The following GABRG3 variants were observed in gnomAD, a reference collection of about 807,000 sequenced individuals.
GABRG3 encodes the protein gamma-aminobutyric acid receptor subunit gamma-3.
In GABRG3, 25 loss-of-function variants were observed where a neutral mutation model predicts 48.8. The observed-to-expected ratio is 0.51, with a 90% CI of 0.37 to 0.72. The LOEUF is 0.72. Ranked by LOEUF, GABRG3 falls within the 30% of genes least tolerant of loss-of-function variation. GABRG3 has a pLI of 0.00. For synonymous variants in GABRG3, 227 were observed against 217.6 expected (o/e 1.04, Z -0.38); for missense variants, 394 against 577.9 (o/e 0.68, Z 3.26).
At chr15:27,262,395 C>G (rs1293867371) in intron 3 of GABRG3, among the ~76,000 whole-genome samples, 3 of 145,448 alleles carry the variant, frequency 2.1e-5, no homozygotes, top group Non-Finnish European at 3.1e-5. Flanking sequence ...AGCTCATCAC[C>G]ACTGAGGGCC....
chr15:27,158,834 G>A lies in GABRG3; in HGVS notation c.270+132013G>A, dbSNP rs76398713. ...ACACATCTTACAGCTGAAATTTTTC[G>A]TATGGCAAATTACCACCTGAATATT... is the stretch of plus-strand genomic sequence containing the variant. On this transcript the variant is annotated intron_variant, in intron 3 of 9. Transcript: ENST00000615808. 2.7e-3 allele frequency among the ~76,000 whole-genome samples: 412 copies of A among 152,186 alleles called. 3 individuals are homozygous for A. Among genetic ancestry groups the A allele is most frequent in the African/African-American group, 9.6e-3 (398 of 41,516 alleles).
chr15:27,084,662 G>T (rs549556583), intron 3 of GABRG3, among the ~76,000 whole-genome samples: 2 of 152,184 alleles, frequency 1.3e-5, no homozygotes, highest in African/African-American at 4.8e-5. Flanking sequence ...GTCTGTTTTC[G>T]TCATGGGGAC....
At chr15:27,418,784 C>T (rs562350605) in intron 5 of GABRG3, 1 of 152,322 alleles carries the variant, frequency 6.6e-6, no homozygotes, top group East Asian at 1.9e-4. Flanking sequence ...GCAATTGTGG[C>T]ACAAATGGAA....
intron 3 of GABRG3, among the ~76,000 whole-genome samples, chr15:27,191,396 A>C (rs1382567085): frequency 6.6e-6 from 1 of 152,084 alleles, no homozygotes; most frequent in Admixed American, 6.6e-5. Flanking sequence ...TGCTTTATGA[A>C]TCTGGGTGCT....
intron 3 of GABRG3, among the ~76,000 whole-genome samples, chr15:27,223,913 T>G (rs1566970820): frequency 1.3e-5 from 2 of 152,230 alleles, no homozygotes; most frequent in Non-Finnish European, 2.9e-5. Context: ...TGAGATAAAT[T>G]TCAGAACCTG....
At chr15:27,149,850 C>T (rs1566947821) in intron 3 of GABRG3, among the ~76,000 whole-genome samples, 1 of 152,176 alleles carries the variant, frequency 6.6e-6, no homozygotes. Flanking sequence ...TAAGCACCAT[C>T]CGGACAGCAC....
intron 6 of GABRG3, among the ~76,000 whole-genome samples, chr15:27,508,905 G>A (rs1890828177): frequency 6.6e-6 from 1 of 152,088 alleles, no homozygotes; most frequent in Non-Finnish European, 1.5e-5. Context: ...ATTTTTAGTA[G>A]AGATGGGGTT....
intron 5 of GABRG3, among the ~76,000 whole-genome samples, chr15:27,397,933 T>G (rs1887361751): frequency 6.6e-6 from 1 of 151,322 alleles, no homozygotes; most frequent in Non-Finnish European, 1.5e-5. Flanking sequence ...GCCTCCCGAG[T>G]AGCTGGGACT....
rs1407931354 is a variant in GABRG3 at position 27,313,256 on chromosome 15, GTGTGTGTATATATATA to G, written c.271-13551_271-13536del. On this transcript the variant is annotated intron_variant, in intron 3 of 9. Transcript: ENST00000615808. ...TATGTATATATGTGTGTGTGTGTGT[GTGTGTGTATATATATA>G]TATATATATATATATATATATATAT... Among the ~76,000 whole-genome samples, 12 of 57,494 alleles carry G rather than the reference GTGTGTGTATATATATA, an allele frequency of 2.1e-4. 1 individual carries two copies. The highest frequency in any genetic ancestry group is 1.2e-3 in the East Asian group (2 of 1,654). The allele number at this position is 57,494 out of a possible 152,430, so 37.7% of individuals were successfully genotyped here. A position where few individuals can be genotyped will look rare whatever the true frequency, so the allele number is the denominator to read the frequency against.
intron 5 of GABRG3, chr15:27,364,006 T>G (rs897703293): frequency 3.3e-5 from 5 of 152,160 alleles, no homozygotes; most frequent in Non-Finnish European, 7.3e-5. Context: ...AAGTGGACTT[T>G]CCTTTAGAAG....
At position 27,265,882 on chromosome 15, in the gene GABRG3, G is replaced by GTTTTTTTT. The variant is rs57522857; in HGVS notation, c.271-60919_271-60912dup. On this transcript the variant is annotated intron_variant, in intron 3 of 9. Coordinates refer to ENST00000615808, the MANE Select transcript of GABRG3 (RefSeq NM_033223.5). ...GCAAGGTCAAGAAGATTTTCTCCTG[G>GTTTTTTTT]TTTTTTTTTTTTTTTGAGAGTGACC... 3.2e-3 allele frequency among the ~76,000 whole-genome samples: 403 copies of GTTTTTTTT among 127,568 alleles called. 22 individuals are homozygous for GTTTTTTTT. The highest frequency in any genetic ancestry group is 4.4e-3 in the African/African-American group (130 of 29,442). The allele number at this position is 127,568 out of a possible 152,430, so 83.7% of individuals were successfully genotyped here. A position where few individuals can be genotyped will look rare whatever the true frequency, so the allele number is the denominator to read the frequency against.
intron 3 of GABRG3, among the ~76,000 whole-genome samples, chr15:27,054,231 T>A (rs1896502731): frequency 2.1e-5 from 3 of 146,088 alleles, no homozygotes; most frequent in Non-Finnish European, 4.5e-5. Flanking sequence ...AGAGCCAAAC[T>A]CTATCTCAAA....
chr15:27,194,720 AGT>A (rs1288524557), intron 3 of GABRG3, among the ~76,000 whole-genome samples: 2 of 151,906 alleles, frequency 1.3e-5, no homozygotes, highest in Non-Finnish European at 2.9e-5. Context: ...GATATTTCTG[AGT>A]ATGGATTTTG....
intron 5 of GABRG3, among the ~76,000 whole-genome samples, chr15:27,335,671 G>A (rs185357888): frequency 4.6e-5 from 7 of 152,076 alleles, no homozygotes; most frequent in African/African-American, 1.4e-4. Context: ...ACCAGGGAGT[G>A]GGGGGAGGAG....
intron 3 of GABRG3, among the ~76,000 whole-genome samples, chr15:27,038,941 G>A (rs142017042): frequency 1.3e-5 from 2 of 152,322 alleles, no homozygotes; most frequent in East Asian, 1.9e-4. Flanking sequence ...GCAAGGTGGC[G>A]CCTTATCAAA....
At chr15:27,404,219 T>G (rs1446261551) in intron 5 of GABRG3, among the ~76,000 whole-genome samples, 1 of 152,132 alleles carries the variant, frequency 6.6e-6, no homozygotes. Context: ...AGACTCCGTC[T>G]GAAGAAAAAA....
chr15:27,286,951 G>C (rs1202107754), intron 3 of GABRG3, among the ~76,000 whole-genome samples: 1 of 152,180 alleles, frequency 6.6e-6, no homozygotes, highest in Non-Finnish European at 1.5e-5. Context: ...CGACTGAAGT[G>C]ATCCGTGGCT....
intron 2 of GABRG3, among the ~76,000 whole-genome samples, chr15:27,007,658 T>C (rs1013572301): frequency 9.2e-5 from 14 of 152,206 alleles, no homozygotes; most frequent in Non-Finnish European, 1.3e-4. Flanking sequence ...TGCATTTCTC[T>C]AATGACCAGT....
chr15:27,016,179 C>T (rs1415885230), intron 2 of GABRG3, among the ~76,000 whole-genome samples: 2 of 151,296 alleles, frequency 1.3e-5, no homozygotes, highest in Non-Finnish European at 2.9e-5. Context: ...TATATAGCAG[C>T]TCTAGTCATG....
Sources: allele counts gnomAD v4.1 joint callset (sites outside exome capture counted in the v4.1 genomes callset), GRCh38; gene constraint gnomAD v4.1.1; transcripts MANE v1.5; gene names NCBI Gene and HGNC (gene_info 2026-07-23, HGNC 2026-07-21).